Variants in VPS13A observed in about 807,000 individuals in gnomAD.
The protein encoded by VPS13A is vacuolar protein sorting 13 homolog A.
In VPS13A, 264 loss-of-function variants were observed where a neutral mutation model predicts 390.9. The observed-to-expected ratio is 0.68, with a 90% CI of 0.61 to 0.75. The LOEUF (loss-of-function observed/expected upper bound fraction) is 0.75, where lower values mean the gene tolerates loss of function less well. Ranked by LOEUF, VPS13A falls within the 30% of genes least tolerant of loss-of-function variation. The pLI, the probability that VPS13A is intolerant of heterozygous loss-of-function variation, is 0.00. For missense variants in VPS13A, 3,409 were observed against 3,733.9 expected (o/e 0.91, Z 2.27); for synonymous variants, 1,231 against 1,227.1 (o/e 1.00, Z -0.07).
At chr9:77,298,229 T>C (rs1401731848) in intron 33 of VPS13A, among the ~76,000 whole-genome samples, 1 of 152,202 alleles carries the variant, frequency 6.6e-6, no homozygotes, top group South Asian at 2.1e-4. Context: ...GTGGAATATA[T>C]GTGCCTAGGT....
At chr9:77,335,100 G>A (rs1830471042) in intron 46 of VPS13A, among the ~76,000 whole-genome samples, 2 of 152,160 alleles carry the variant, frequency 1.3e-5, no homozygotes, top group Non-Finnish European at 2.9e-5. Flanking sequence ...GTTGAAGATA[G>A]TTTTGACCAT....
chr9:77,188,107 C>T (rs1040058295), intron 1 of VPS13A, among the ~76,000 whole-genome samples: 4 of 152,132 alleles, frequency 2.6e-5, no homozygotes, highest in Admixed American at 6.5e-5. Flanking sequence ...TATGCACTCC[C>T]CCTCTTGCTC....
At chr9:77,220,717 C>T (rs1407776469) in intron 12 of VPS13A, among the ~76,000 whole-genome samples, 1 of 151,976 alleles carries the variant, frequency 6.6e-6, no homozygotes, top group East Asian at 1.9e-4. Context: ...CCTCAGCTTC[C>T]CTATCAGATA....
intron 52 of VPS13A, among the ~76,000 whole-genome samples, chr9:77,346,940 G>T (rs996683470): frequency 6.6e-6 from 1 of 152,086 alleles, no homozygotes; most frequent in Admixed American, 6.5e-5. Flanking sequence ...CTAGAATAAG[G>T]TGTCCTTTCC....
intron 1 of VPS13A, among the ~76,000 whole-genome samples, chr9:77,190,329 C>G (rs982596782): frequency 6.6e-6 from 1 of 152,024 alleles, no homozygotes; most frequent in African/African-American, 2.4e-5. Context: ...ATCAAAAGTC[C>G]TGAATCTGAA....
At chr9:77,220,453 A>G in intron 12 of VPS13A, 70 bp downstream of exon 12, 1 of 1,077,202 alleles carries the variant, frequency 9.3e-7, no homozygotes, top group Non-Finnish European at 1.4e-6. Context: ...TCTCGACTTC[A>G]AGAATAATCT....
intron 52 of VPS13A, 47 bp downstream of exon 52, chr9:77,345,189 T>C (rs746423132): frequency 6.3e-7 from 1 of 1,591,760 alleles, no homozygotes; most frequent in South Asian, 1.1e-5. Context: ...TAAGTCTAGA[T>C]GATGAGGCAC....
chr9:77,288,837 C>G (rs1001999708), intron 31 of VPS13A, among the ~76,000 whole-genome samples: 2 of 151,770 alleles, frequency 1.3e-5, no homozygotes, highest in African/African-American at 4.9e-5. Flanking sequence ...TGATTATAAC[C>G]ATTGATTTGC....
At chr9:77,218,178 A>G (rs1218423743) in intron 10 of VPS13A, among the ~76,000 whole-genome samples, 3 of 147,824 alleles carry the variant, frequency 2.0e-5, no homozygotes, top group Non-Finnish European at 3.0e-5. Flanking sequence ...CAGTGGCGCA[A>G]TCTTGGCTCA....
At position 77,245,440 on chromosome 9, in the gene VPS13A, A is replaced by G. The variant is rs1824750277; in HGVS notation, c.1901-1819A>G. Among the ~76,000 whole-genome samples the G allele has an allele frequency of 2.6e-5, 4 of 152,310 alleles. No homozygotes were observed. The South Asian group carries it at 8.3e-4, about 32-fold the overall frequency. On this transcript the variant is annotated intron_variant, in intron 19 of 71. Coordinates refer to ENST00000360280, the MANE Select transcript of VPS13A (RefSeq NM_033305.3). ...AGTAAAATCATGCCATCTGTGTTTG[A>G]ATCCAAATCATTTGGGGAAAAAGAA...
intron 10 of VPS13A, among the ~76,000 whole-genome samples, chr9:77,215,392 T>G (rs961068448): frequency 1.3e-5 from 2 of 152,216 alleles, no homozygotes; most frequent in African/African-American, 4.8e-5. Flanking sequence ...TGAATTTAGT[T>G]TCATTTTCTT....
chr9:77,281,234 G>A (rs1439035891), intron 27 of VPS13A, among the ~76,000 whole-genome samples: 2 of 152,024 alleles, frequency 1.3e-5, no homozygotes, highest in Non-Finnish European at 2.9e-5. Context: ...ATACAGCAGG[G>A]GAACTGTAAT....
intron 22 of VPS13A, among the ~76,000 whole-genome samples, chr9:77,256,554 G>A (rs1323847144): frequency 1.3e-5 from 2 of 151,914 alleles, no homozygotes; most frequent in Non-Finnish European, 2.9e-5. Flanking sequence ...TCTACTGCCT[G>A]GTGTTTCTAT....
intron 2 of VPS13A, among the ~76,000 whole-genome samples, chr9:77,200,752 T>C (rs1825285080): frequency 6.6e-6 from 1 of 152,220 alleles, no homozygotes. Flanking sequence ...TTTATTGTCA[T>C]ATTCAAGAAG....
chr9:77,405,564 T>C (rs1360463890), intron 69 of VPS13A, among the ~76,000 whole-genome samples: 1 of 152,236 alleles, frequency 6.6e-6, no homozygotes, highest in Non-Finnish European at 1.5e-5. Context: ...ATTCTTATTC[T>C]GTTCAAAATA....
intron 59 of VPS13A, 46 bp downstream of exon 59, chr9:77,360,687 G>A (rs200006822): frequency 7.2e-7 from 1 of 1,387,282 alleles, no homozygotes; most frequent in South Asian, 1.2e-5. Flanking sequence ...TTAGGGAAAA[G>A]ATATTATTAT....
chr9:77,335,558 T>G (rs1015987289), intron 46 of VPS13A, among the ~76,000 whole-genome samples: 9 of 152,166 alleles, frequency 5.9e-5, no homozygotes, highest in African/African-American at 2.2e-4. Flanking sequence ...GAATAGACAC[T>G]TCTCAAAAGA....
rs748952532 is a variant in VPS13A at position 77,225,905 on chromosome 9, A to G, written c.1162-21A>G. 2.5e-6 allele frequency: 4 copies of G among 1,584,474 alleles called. No individual in the cohort carries two copies. The South Asian group carries it at 4.4e-5, about 18-fold the overall frequency. On this transcript the variant is annotated intron_variant, in intron 13 of 71. Coordinates refer to ENST00000360280, the MANE Select transcript of VPS13A (RefSeq NM_033305.3). Reference sequence around the variant, plus strand: ...AAAGTTATTTTTGTAAAGTTAACACATTTTTGTTTATATTTTTCAGGAGTT... The same window carrying G: ...AAAGTTATTTTTGTAAAGTTAACACGTTTTTGTTTATATTTTTCAGGAGTT...
intron 22 of VPS13A, among the ~76,000 whole-genome samples, chr9:77,256,406 C>T (rs1218949979): frequency 2.6e-5 from 4 of 151,978 alleles, no homozygotes; most frequent in Non-Finnish European, 5.9e-5. Flanking sequence ...GGTTTTTTAC[C>T]TGACGTATAA....
Sources: gnomAD v4.1 joint callset for allele counts (sites outside exome capture counted in the v4.1 genomes callset) on GRCh38, gnomAD v4.1.1 for gene constraint, MANE v1.5 for transcripts, NCBI Gene and HGNC (gene_info 2026-07-23, HGNC 2026-07-21) for gene names.